The following EIF3K variants were observed in gnomAD, a reference collection of about 807,000 sequenced individuals.
The protein encoded by EIF3K is eukaryotic translation initiation factor 3 subunit K, also known as eIF-3 p28.
In EIF3K, 27 loss-of-function variants were observed where a neutral mutation model predicts 34.2. The ratio of observed to expected loss-of-function variants is 0.79; its 90% CI spans 0.58 to 1.09. EIF3K has a LOEUF of 1.09. Ranked by LOEUF, EIF3K falls within the 50% of genes least tolerant of loss-of-function variation. The pLI is 0.00. For synonymous variants in EIF3K, 105 were observed against 105.7 expected, an observed-to-expected ratio of 0.99 and a Z score of 0.04; for missense variants, 232 against 275.4, an observed-to-expected ratio of 0.84 and a Z score of 1.11.
At chr19:38,636,321 G>T (rs949369698) in intron 7 of EIF3K, among the ~76,000 whole-genome samples, 1 of 152,132 alleles carries the variant, frequency 6.6e-6, no homozygotes, top group Non-Finnish European at 1.5e-5. Flanking sequence ...CTCTGTCTCA[G>T]TTCTGGCTCC....
chr19:38,632,692 G>T lies in EIF3K; in HGVS notation c.499+14G>T. 6.2e-7 allele frequency: 1 copy of T among 1,605,528 alleles called. No homozygotes were observed. Among genetic ancestry groups the T allele is most frequent in the Non-Finnish European group, 8.5e-7 (1 of 1,175,392 alleles). On this transcript the variant is annotated intron_variant, in intron 6 of 7. Coordinates refer to ENST00000248342, the MANE Select transcript of EIF3K (RefSeq NM_013234.4). The stretch of plus-strand genomic sequence containing the variant: ...GGGATCTGTCGGGTAACGCCCTCTG[G>T]GTCCTGGTGCACATCTGGGAGGTTG...
intron 6 of EIF3K, chr19:38,632,951 A>C: frequency 2.4e-6 from 1 of 410,802 alleles, no homozygotes; most frequent in South Asian, 5.2e-5. Flanking sequence ...GGATGGCTCC[A>C]ATTCATTCTC....
Position 38,624,075 on chromosome 19 carries a change from A to G in EIF3K, c.159-2A>G. The G allele has an allele frequency of 1.2e-6, 2 of 1,614,020 alleles. No individual in the cohort carries two copies. Among genetic ancestry groups the G allele is most frequent in the Non-Finnish European group, 1.7e-6 (2 of 1,179,948 alleles). ...GGCCACGTCTCTTGTTCTTTTTCTT[A>G]GGTACCAGTTCAACCCAGCCTTCTT... On this transcript the variant is annotated splice_acceptor_variant, in intron 2 of 7. Transcript: ENST00000248342. LOFTEE classifies it high-confidence loss of function.
intron 2 of EIF3K, 141 bp downstream of exon 2, chr19:38,620,576 T>G: frequency 1.3e-6 from 1 of 763,448 alleles, no homozygotes; most frequent in Non-Finnish European, 2.2e-6. Flanking sequence ...CCAAGGAAGT[T>G]GGGACAGGAG....
At chr19:38,632,559 G>A (rs374789647) in intron 5 of EIF3K, 42 bp from the exon 6 acceptor site, 89 of 1,612,508 alleles carry the variant, frequency 5.5e-5, no homozygotes, top group African/African-American at 6.7e-5. Flanking sequence ...AGCCAGGTCC[G>A]GGGGGACAGC....
Position 38,624,327 on chromosome 19 carries a change from G to A in EIF3K, c.279+130G>A, listed in dbSNP as rs865858096. 2.1e-5 allele frequency: 30 copies of A among 1,405,298 alleles called. No individual in the cohort carries two copies. The East Asian group carries it at 4.2e-4, about 20-fold the overall frequency. 87.1% of individuals were successfully genotyped at this position (1,405,298 alleles called of 1,614,324 possible). ...TGCCTGCTCTGGTCCAGCGTGGCAA[G>A]GTGCTGGACAGTGCTGGGACACTGG... On this transcript the variant is annotated intron_variant, in intron 3 of 7. Transcript: ENST00000248342.
Position 38,619,199 on chromosome 19 carries a change from C to G in EIF3K, c.-70C>G. Reference sequence around the variant, plus strand: ...TCCGTTTCCACCACCTCTTCCTGTTCCCGTCCTTGAGGACGCCGTGCCGGG... The same window carrying G: ...TCCGTTTCCACCACCTCTTCCTGTTGCCGTCCTTGAGGACGCCGTGCCGGG... On this transcript the variant is annotated 5_prime_UTR_variant, in exon 1 of 8. Transcript: ENST00000248342. 2 of 1,561,092 alleles carry G rather than the reference C, an allele frequency of 1.3e-6. No homozygotes were observed. Among genetic ancestry groups the G allele is most frequent in the Non-Finnish European group, 1.8e-6 (2 of 1,137,442 alleles).
Position 38,619,225 on chromosome 19 carries a change from T to G in EIF3K, c.-44T>G. On this transcript the variant is annotated 5_prime_UTR_variant, in exon 1 of 8. Transcript: ENST00000248342. The stretch of plus-strand genomic sequence containing the variant: ...CCGTCCTTGAGGACGCCGTGCCGGG[T>G]CAGTGTTAGCCTCCAGCCCTGGTTG... 2 of 1,605,666 alleles carry G rather than the reference T, an allele frequency of 1.2e-6. No individual in the cohort carries two copies. The highest frequency in any genetic ancestry group is 8.5e-7 in the Non-Finnish European group (1 of 1,173,602).
chr19:38,635,194 AGGACCTG>A, intron 7 of EIF3K, 76 bp downstream of exon 7: 1 of 1,601,206 alleles, frequency 6.2e-7, no homozygotes, highest in Non-Finnish European at 8.5e-7. Flanking sequence ...AGGGGCCCAG[AGGACCTG>A]GGTAGATCTG....
chr19:38,626,266 C>A, intron 4 of EIF3K, 164 bp downstream of exon 4: 1 of 688,778 alleles, frequency 1.5e-6, no homozygotes, highest in Non-Finnish European at 2.5e-6. Context: ...GGAGCAGGTA[C>A]TCACAGGTCA....
intron 3 of EIF3K, among the ~76,000 whole-genome samples, chr19:38,624,460 G>T (rs777436654): frequency 2.0e-5 from 3 of 152,084 alleles, no homozygotes; most frequent in Non-Finnish European, 4.4e-5. Context: ...CACAGCAGCC[G>T]GGCACAATGA....
At chr19:38,626,244 T>G (rs1372734271) in intron 4 of EIF3K, 142 bp downstream of exon 4, 2 of 794,752 alleles carry the variant, frequency 2.5e-6, no homozygotes, top group Non-Finnish European at 4.2e-6. Context: ...TGTGGAATTA[T>G]CATCCTCTCG....
chr19:38,624,236 G>A (rs1366534187), intron 3 of EIF3K, 39 bp downstream of exon 3: 1 of 1,612,904 alleles, frequency 6.2e-7, no homozygotes, highest in Non-Finnish European at 8.5e-7. Flanking sequence ...TGTGTGGGAA[G>A]GGGTCAGAGT....
At chr19:38,624,749 G>A (rs1193682960) in intron 3 of EIF3K, among the ~76,000 whole-genome samples, 1 of 151,506 alleles carries the variant, frequency 6.6e-6, no homozygotes, top group Non-Finnish European at 1.5e-5. Flanking sequence ...AAAAAAAAAA[G>A]AAGAGCCAGA....
intron 1 of EIF3K, among the ~76,000 whole-genome samples, chr19:38,619,659 C>G (rs1568648836): frequency 6.6e-6 from 1 of 152,222 alleles, no homozygotes. Context: ...CACTCAGTCT[C>G]TTCGTAAATT....
At position 38,632,641 on chromosome 19, in the gene EIF3K, CCG is replaced by C; in HGVS notation, c.464_465del (p.Arg155LeufsTer36). 1 of 1,613,872 alleles carries C rather than the reference CCG, an allele frequency of 6.2e-7. No homozygotes were observed. Among genetic ancestry groups the C allele is most frequent in the East Asian group, 2.2e-5 (1 of 44,886 alleles). On this transcript the variant is annotated frameshift_variant, in exon 6 of 8. Coordinates refer to ENST00000248342, the MANE Select transcript of EIF3K (RefSeq NM_013234.4). LOFTEE classifies it high-confidence loss of function. ...VVGITYQHID[R>X]WLLAEMLGDL... is the part of the protein sequence containing the mutation. The stretch of plus-strand genomic sequence containing the variant: ...TGGGTATCACTTACCAGCACATTGA[CCG>C]CTGGCTGCTGGCCGAGATGCTCGGG...
Position 38,624,091 on chromosome 19 carries a change from C to T in EIF3K, c.173C>T (p.Pro58Leu). Reference sequence around the variant, plus strand: ...CTTTTTCTTAGGTACCAGTTCAACCCAGCCTTCTTTCAGACCACGGTCACC... The same window carrying T: ...CTTTTTCTTAGGTACCAGTTCAACCTAGCCTTCTTTCAGACCACGGTCACC... ...LAVLKLYQFNPAFFQTTVTAQ... is the reference protein window; with the variant it reads ...LAVLKLYQFNLAFFQTTVTAQ... Residue 58 changes from proline to leucine, a missense_variant, in exon 3 of 8, where the codon CCA (proline) becomes CTA (leucine). Physicochemically the swap from Pro to Leu is moderately conservative, Grantham distance 98. Coordinates refer to ENST00000248342, the MANE Select transcript of EIF3K (RefSeq NM_013234.4). The T allele has an allele frequency of 1.2e-6, 2 of 1,614,160 alleles. No individual in the cohort carries two copies. Among genetic ancestry groups the T allele is most frequent in the South Asian group, 2.2e-5 (2 of 91,090 alleles).
Position 38,632,585 on chromosome 19 carries a change from T to G in EIF3K, c.422-16T>G, listed in dbSNP as rs746962579. 3 of 1,613,672 alleles carry G rather than the reference T, an allele frequency of 1.9e-6. No homozygotes were observed. The highest frequency in any genetic ancestry group is 2.5e-6 in the Non-Finnish European group (3 of 1,179,704). On this transcript the variant is annotated splice_polypyrimidine_tract_variant and intron_variant, in intron 5 of 7. Coordinates refer to ENST00000248342, the MANE Select transcript of EIF3K (RefSeq NM_013234.4). ...GGGGGACAGCTGCTCACCGGTTTTG[T>G]CTCTGACCTCCACAGTTATCTGCCA...
intron 1 of EIF3K, among the ~76,000 whole-genome samples, chr19:38,619,718 C>G (rs1975797380): frequency 6.6e-6 from 1 of 152,226 alleles, no homozygotes; most frequent in Non-Finnish European, 1.5e-5. Context: ...GCCTCTTAAT[C>G]TCTCCCTTCT....
Sources: gnomAD v4.1 joint callset for allele counts (sites outside exome capture counted in the v4.1 genomes callset) on GRCh38, gnomAD v4.1.1 for gene constraint, MANE v1.5 for transcripts, NCBI Gene and HGNC (gene_info 2026-07-23, HGNC 2026-07-21) for gene names.